The following CDK14 variants were observed in gnomAD, a reference collection of about 807,000 sequenced individuals.
CDK14 encodes cyclin-dependent kinase 14.
CDK14 carries 34 observed loss-of-function variants against 60.7 expected under a neutral mutation model. The ratio of observed to expected loss-of-function variants is 0.56; its 90% confidence interval spans 0.43 to 0.75. The LOEUF (loss-of-function observed/expected upper bound fraction) is 0.75. Ranked by LOEUF, CDK14 falls within the 30% of genes least tolerant of loss-of-function variation. CDK14 has a pLI of 0.00. For missense variants in CDK14, 482 were observed against 564.1 expected (o/e 0.85, Z 1.47); for synonymous variants, 197 against 203.7 (o/e 0.97, Z 0.28).
intron 2 of CDK14, among the ~76,000 whole-genome samples, chr7:90,634,439 A>C (rs1384233224): frequency 6.6e-6 from 1 of 151,416 alleles, no homozygotes; most frequent in East Asian, 2.0e-4. Context: ...AATTTCATCC[A>C]TGTCCCTACA....
Position 90,943,960 on chromosome 7 carries a change from A to G in CDK14, c.827-11737A>G, listed in dbSNP as rs868757288. Among the ~76,000 whole-genome samples, 12 of 152,320 alleles carry G rather than the reference A, an allele frequency of 7.9e-5. No individual in the cohort carries two copies. In the South Asian group the frequency reaches 1.2e-3, roughly 16 times the overall value. ...TAAGAGGAATTAATGCTGCTCTTGC[A>G]GGACTGGGTTAATCCTCACAGGAGT... On this transcript the variant is annotated intron_variant, in intron 8 of 14. Transcript: ENST00000380050.
intron 7 of CDK14, among the ~76,000 whole-genome samples, chr7:90,914,697 G>C (rs544546029): frequency 6.6e-6 from 1 of 152,110 alleles, no homozygotes; most frequent in Admixed American, 6.5e-5. Context: ...CATCCTATTT[G>C]AATAGCTTCT....
chr7:91,167,320 A>C (rs1801376992), intron 14 of CDK14, among the ~76,000 whole-genome samples: 1 of 152,250 alleles, frequency 6.6e-6, no homozygotes, highest in South Asian at 2.1e-4. Flanking sequence ...AGGGCTCTCC[A>C]CATTTGCCTT....
At chr7:90,866,227 T>TACACAC (rs1179881138) in intron 6 of CDK14, among the ~76,000 whole-genome samples, 6 of 80,114 alleles carry the variant, frequency 7.5e-5, no homozygotes, top group African/African-American at 1.9e-4. Flanking sequence ...TACACACACA[T>TACACAC]ACACATACAC....
intron 12 of CDK14, among the ~76,000 whole-genome samples, chr7:91,100,489 T>G (rs1319916684): frequency 2.6e-5 from 4 of 152,176 alleles, no homozygotes. Context: ...GGGCTCTTGT[T>G]GAAAAGAATA....
chr7:91,155,169 GAGA>G (rs1487129332), intron 14 of CDK14, among the ~76,000 whole-genome samples: 1 of 152,212 alleles, frequency 6.6e-6, no homozygotes, highest in African/African-American at 2.4e-5. Flanking sequence ...GGAAAGTAGA[GAGA>G]AGGAACAGCA....
chr7:90,850,941 A>G (rs147405286), intron 5 of CDK14, among the ~76,000 whole-genome samples: 5 of 152,266 alleles, frequency 3.3e-5, no homozygotes, highest in Admixed American at 2.0e-4. Flanking sequence ...TTTCACAACA[A>G]TCAGGATATA....
chr7:90,699,530 T>G (rs1309175327), intron 2 of CDK14, among the ~76,000 whole-genome samples: 11 of 152,204 alleles, frequency 7.2e-5, no homozygotes, highest in African/African-American at 2.7e-4. Flanking sequence ...GAGTTTACAT[T>G]ATTCTTAATC....
At chr7:90,923,276 AT>A (rs1410421878) in intron 8 of CDK14, among the ~76,000 whole-genome samples, 1 of 151,652 alleles carries the variant, frequency 6.6e-6, no homozygotes, top group Non-Finnish European at 1.5e-5. Flanking sequence ...CTCCTGGCTA[AT>A]TTTTTGTATT....
At chr7:91,091,685 AGAAG>A (rs138061227) in intron 12 of CDK14, among the ~76,000 whole-genome samples, 11,629 of 139,906 alleles carry the variant, frequency 0.083, 779 homozygotes, top group African/African-American at 0.17. Context: ...AGAGAAAGGG[AGAAG>A]GAAGGAAGGA....
intron 5 of CDK14, among the ~76,000 whole-genome samples, chr7:90,827,525 A>G (rs1789767568): frequency 6.6e-6 from 1 of 152,248 alleles, no homozygotes; most frequent in Non-Finnish European, 1.5e-5. Flanking sequence ...GAAGGTCAAG[A>G]AAAACACACC....
At chr7:90,742,703 G>T (rs1803398539) in intron 3 of CDK14, among the ~76,000 whole-genome samples, 1 of 151,430 alleles carries the variant, frequency 6.6e-6, no homozygotes, top group South Asian at 2.1e-4. Context: ...TTTATGTATT[G>T]GTTTGGCTGC....
At chr7:91,176,729 G>A (rs972456377) in intron 14 of CDK14, among the ~76,000 whole-genome samples, 28 of 151,460 alleles carry the variant, frequency 1.8e-4, no homozygotes, top group East Asian at 9.7e-4. Flanking sequence ...TAAATTCCTC[G>A]ACACATACAC....
chr7:90,835,720 A>G (rs972337636), intron 5 of CDK14, among the ~76,000 whole-genome samples: 2 of 152,180 alleles, frequency 1.3e-5, no homozygotes, highest in African/African-American at 4.8e-5. Context: ...GTTTGTGGGT[A>G]TATATTAAGT....
intron 10 of CDK14, among the ~76,000 whole-genome samples, chr7:90,998,957 C>G (rs1795763785): frequency 6.6e-6 from 1 of 152,056 alleles, no homozygotes; most frequent in African/African-American, 2.4e-5. Flanking sequence ...AAGTGCAAGG[C>G]TGAGGGGCTG....
chr7:90,708,552 A>C (rs1415354239), intron 2 of CDK14, among the ~76,000 whole-genome samples: 1 of 152,204 alleles, frequency 6.6e-6, no homozygotes, highest in Non-Finnish European at 1.5e-5. Flanking sequence ...GTAAGAAAAC[A>C]AAGTTGAATT....
intron 10 of CDK14, among the ~76,000 whole-genome samples, chr7:90,994,368 T>A (rs570477119): frequency 6.6e-6 from 1 of 152,326 alleles, no homozygotes; most frequent in South Asian, 2.1e-4. Context: ...GAGGACCAGA[T>A]GGAAACTGTG....
chr7:90,828,505 C>T (rs1410860566), intron 5 of CDK14, among the ~76,000 whole-genome samples: 2 of 132,690 alleles, frequency 1.5e-5, no homozygotes, highest in Non-Finnish European at 3.2e-5. Context: ...TCATTGAATT[C>T]TCTATTTGTT....
At chr7:91,011,449 C>T (rs183360095) in intron 10 of CDK14, among the ~76,000 whole-genome samples, 1 of 152,124 alleles carries the variant, frequency 6.6e-6, no homozygotes, top group Admixed American at 6.5e-5. Flanking sequence ...TTGTGCTTGG[C>T]GTTCAGTAAG....
Sources: allele counts gnomAD v4.1 joint callset (sites outside exome capture counted in the v4.1 genomes callset), GRCh38; gene constraint gnomAD v4.1.1; transcripts MANE v1.5; gene names NCBI Gene and HGNC (gene_info 2026-07-23, HGNC 2026-07-21).